Variants in ILDR2 observed in about 807,000 individuals in gnomAD.
The protein encoded by ILDR2 is immunoglobulin-like domain-containing receptor 2.
ILDR2 carries 25 observed loss-of-function variants against 66.8 expected under a neutral mutation model. The ratio of observed to expected loss-of-function variants is 0.37; its 90% CI spans 0.27 to 0.52. The LOEUF (loss-of-function observed/expected upper bound fraction) is 0.52, where lower values mean the gene tolerates loss of function less well. Among genes scored for constraint, ILDR2 ranks in the 20% least tolerant of loss-of-function variants. ILDR2 has a pLI of 0.88. For missense variants in ILDR2, 827 were observed against 876.8 expected (o/e 0.94, Z 0.72); for synonymous variants, 367 against 357.2 (o/e 1.03, Z -0.31).
At chr1:166,943,243 A>T (rs1202410801) in intron 3 of ILDR2, among the ~76,000 whole-genome samples, 2 of 152,216 alleles carry the variant, frequency 1.3e-5, no homozygotes, top group African/African-American at 4.8e-5. Context: ...CTGTAATCCC[A>T]GCACTTTGGG....
Position 166,910,570 on chromosome 1 carries a change from G to A in ILDR2, c.*8785C>T, listed in dbSNP as rs899036377. On this transcript the variant is annotated 3_prime_UTR_variant, in exon 10 of 10. Transcript: ENST00000271417. The stretch of plus-strand genomic sequence containing the variant: ...TCTTGGATGTGTGCCACTAGATGGC[G>A]TGTCAGACCAACTCACTCACCTCTA... 8.5e-5 allele frequency: 13 copies of A among 152,224 alleles called. No individual in the cohort carries two copies. Among genetic ancestry groups the A allele is most frequent in the African/African-American group, 2.2e-4 (9 of 41,446 alleles). The allele number at this position is 152,224 out of a possible 1,614,324, so 9.4% of individuals were successfully genotyped here.
intron 6 of ILDR2, among the ~76,000 whole-genome samples, chr1:166,927,867 C>T (rs937664543): frequency 1.3e-5 from 2 of 152,224 alleles, no homozygotes; most frequent in African/African-American, 2.4e-5. Flanking sequence ...TGACCTGCTG[C>T]GATGTGGTTA....
chr1:166,919,219 C>A lies in ILDR2; in HGVS notation c.*136G>T. On this transcript the variant is annotated 3_prime_UTR_variant, in exon 10 of 10. Transcript: ENST00000271417. ...CCTCCCTTAAAGGCTGCCTGCCATCCCTTGCCAAAGCAGAGATCAGCAAAT... is the reference window on the plus strand; with the variant it reads ...CCTCCCTTAAAGGCTGCCTGCCATCACTTGCCAAAGCAGAGATCAGCAAAT... 1.3e-6 allele frequency: 1 copy of A among 795,712 alleles called. No individual in the cohort carries two copies. The allele number at this position is 795,712 out of a possible 1,614,324, so 49.3% of individuals were successfully genotyped here.
At chr1:166,903,666 T>C (rs1659297253), downstream of ILDR2, among the ~76,000 whole-genome samples, 1 of 152,218 alleles carries the variant, frequency 6.6e-6, no homozygotes, top group African/African-American at 2.4e-5. Context: ...TCAGCCTAAA[T>C]GATCTAGGTG....
chr1:166,926,516 T>C (rs943914739), intron 7 of ILDR2, among the ~76,000 whole-genome samples: 4 of 152,032 alleles, frequency 2.6e-5, no homozygotes, highest in Non-Finnish European at 4.4e-5. Context: ...CCAGACTTGT[T>C]CTTTCACTTT....
At chr1:166,970,893 G>C (rs1234382795) in intron 1 of ILDR2, among the ~76,000 whole-genome samples, 3 of 152,202 alleles carry the variant, frequency 2.0e-5, no homozygotes, top group Non-Finnish European at 2.9e-5. Context: ...GTAGAACAGA[G>C]GAGGAAGAGA....
intron 7 of ILDR2, among the ~76,000 whole-genome samples, chr1:166,924,541 G>A (rs1166528884): frequency 1.3e-5 from 2 of 152,222 alleles, no homozygotes; most frequent in South Asian, 4.1e-4. Context: ...CATCCACAAT[G>A]TAACTCTAGG....
chr1:166,897,829 A>G (rs1372532015), intron 2 of ILDR2, among the ~76,000 whole-genome samples: 1 of 152,228 alleles, frequency 6.6e-6, no homozygotes, highest in East Asian at 1.9e-4. Flanking sequence ...ATAAAATTGT[A>G]ATTGGAAGCA....
chr1:166,917,558 G>A lies in ILDR2; in HGVS notation c.*1797C>T, dbSNP rs1272717682. Reference sequence around the variant, plus strand: ...GCATTATCCTCCACTCCACAAGAGTGCAGGGTGAAAAGCTTTGATAAAAAT... The same window carrying A: ...GCATTATCCTCCACTCCACAAGAGTACAGGGTGAAAAGCTTTGATAAAAAT... On this transcript the variant is annotated 3_prime_UTR_variant, in exon 10 of 10. Coordinates refer to ENST00000271417, the MANE Select transcript of ILDR2 (RefSeq NM_199351.3). 2.0e-5 allele frequency: 3 copies of A among 152,232 alleles called. No individual in the cohort carries two copies. The highest frequency in any genetic ancestry group is 7.2e-5 in the African/African-American group (3 of 41,454). The allele number at this position is 152,232 out of a possible 1,614,324, so 9.4% of individuals were successfully genotyped here. A position where few individuals can be genotyped will look rare whatever the true frequency, so the allele number is the denominator to read the frequency against.
chr1:166,925,146 A>G (rs1438008671), intron 7 of ILDR2, among the ~76,000 whole-genome samples: 1 of 152,224 alleles, frequency 6.6e-6, no homozygotes, highest in Non-Finnish European at 1.5e-5. Flanking sequence ...AATGAGGACC[A>G]TACTGGCTAG....
downstream of ILDR2, among the ~76,000 whole-genome samples, chr1:166,904,210 T>C (rs1659305676): frequency 6.6e-6 from 1 of 152,266 alleles, no homozygotes; most frequent in South Asian, 2.1e-4. Context: ...ATCTTGTCCT[T>C]GTGCAATTAT....
At position 166,920,826 on chromosome 1, in the gene ILDR2, C is replaced by T. The variant is rs371930353; in HGVS notation, c.1765G>A (p.Asp589Asn). The change falls in exon 9 of 10, where the codon GAC becomes AAC. Residue 589 changes from aspartate to asparagine, a missense_variant. Around this residue, in one of 2 missense-constraint regions of ILDR2, gnomAD observed 390 missense variants for 353.6 expected, o/e 1.10. Coordinates refer to ENST00000271417, the MANE Select transcript of ILDR2 (RefSeq NM_199351.3). ...AGCTCGCTGTAGGGCGGCAGCGCGT[C>T]GTCGGACGCGTCCTCCTGGTCGTCC... ...SQDDQEDASD[D>N]ALPPYSELEL... is the part of the protein sequence containing the mutation. 6.2e-5 allele frequency: 94 copies of T among 1,518,890 alleles called. No homozygotes were observed. The African/African-American group carries it at 1.1e-3, about 18-fold the overall frequency. 94.1% of individuals were successfully genotyped at this position (1,518,890 alleles called of 1,614,324 possible). A position where few individuals can be genotyped will look rare whatever the true frequency, so the allele number is the denominator to read the frequency against.
At chr1:166,972,586 C>T (rs1468831070) in intron 1 of ILDR2, among the ~76,000 whole-genome samples, 1 of 152,118 alleles carries the variant, frequency 6.6e-6, no homozygotes, top group African/African-American at 2.4e-5. Flanking sequence ...AAATATATAA[C>T]AGGAAGACAT....
At chr1:166,933,683 A>T in intron 6 of ILDR2, 2 of 285,944 alleles carry the variant, frequency 7.0e-6, no homozygotes, top group Non-Finnish European at 1.0e-5. Flanking sequence ...GGGGGAAAGG[A>T]TTCTGGTGGG....
rs970364564 is a variant in ILDR2 at position 166,914,568 on chromosome 1, T to A, written c.*4787A>T. On this transcript the variant is annotated 3_prime_UTR_variant, in exon 10 of 10. Coordinates refer to ENST00000271417, the MANE Select transcript of ILDR2 (RefSeq NM_199351.3). ...AAAGTGTTCTGTAAACAGTAATATA[T>A]CATAAAAATAACACAAATATTATTA... 6.6e-5 allele frequency: 10 copies of A among 152,196 alleles called. No individual in the cohort carries two copies. Among genetic ancestry groups the A allele is most frequent in the East Asian group, 1.9e-4 (1 of 5,194 alleles). The allele number at this position is 152,196 out of a possible 1,614,324, so 9.4% of individuals were successfully genotyped here.
intron 1 of ILDR2, among the ~76,000 whole-genome samples, chr1:166,961,032 C>A (rs935322561): frequency 8.5e-5 from 13 of 152,180 alleles, no homozygotes; most frequent in African/African-American, 2.9e-4. Flanking sequence ...GTGTGCTTGA[C>A]CACACCCCTT....
At chr1:166,963,676 C>T (rs1161504836) in intron 1 of ILDR2, among the ~76,000 whole-genome samples, 6 of 152,134 alleles carry the variant, frequency 3.9e-5, no homozygotes, top group Non-Finnish European at 7.4e-5. Flanking sequence ...ATTGAAATAC[C>T]CCAACATGGC....
At position 166,910,967 on chromosome 1, in the gene ILDR2, T is replaced by C. The variant is rs749090197; in HGVS notation, c.*8388A>G. 6.6e-6 allele frequency: 1 copy of C among 152,212 alleles called. No individual in the cohort carries two copies. Among genetic ancestry groups the C allele is most frequent in the Non-Finnish European group, 1.5e-5 (1 of 68,048 alleles). 9.4% of individuals were successfully genotyped at this position (152,212 alleles called of 1,614,324 possible). On this transcript the variant is annotated 3_prime_UTR_variant, in exon 10 of 10. Transcript: ENST00000271417. ...TGTGGAGGATGGGATCTCACTATACTGCCCAGGTAGGTCTTGAACTCCTGG... is the reference window on the plus strand; with the variant it reads ...TGTGGAGGATGGGATCTCACTATACCGCCCAGGTAGGTCTTGAACTCCTGG...
intron 3 of ILDR2, among the ~76,000 whole-genome samples, chr1:166,954,816 G>C (rs1320932190): frequency 6.6e-6 from 1 of 152,116 alleles, no homozygotes; most frequent in Non-Finnish European, 1.5e-5. Context: ...TGATCCAGAG[G>C]AATGCCCTTC....
Sources: gnomAD v4.1 joint callset for allele counts (sites outside exome capture counted in the v4.1 genomes callset) on GRCh38, gnomAD v4.1.1 for gene constraint, gnomAD v4.1.1 regional missense constraint, MANE v1.5 for transcripts, NCBI Gene and HGNC (gene_info 2026-07-23, HGNC 2026-07-21) for gene names.